Variants in APBA2 observed in about 807,000 individuals in gnomAD.
APBA2 encodes amyloid beta precursor protein binding family A member 2.
In APBA2, 30 loss-of-function variants were observed where a neutral mutation model predicts 75.0. The ratio of observed to expected loss-of-function variants is 0.40; its 90% CI spans 0.30 to 0.54. The LOEUF is 0.54. Among genes scored for constraint, APBA2 ranks in the 20% least tolerant of loss-of-function variants. The pLI is 0.49. For missense variants in APBA2, 801 were observed against 1,016.1 expected, an observed-to-expected ratio of 0.79 and a Z score of 2.88; for synonymous variants, 444 against 409.6, an observed-to-expected ratio of 1.08 and a Z score of -1.01.
chr15:28,904,670 C>T (rs539706084), intron 1 of APBA2, among the ~76,000 whole-genome samples: 80 of 152,300 alleles, frequency 5.3e-4, no homozygotes, highest in African/African-American at 1.8e-3. Flanking sequence ...TGGTGGCTCC[C>T]CTCGTTATCT....
At chr15:29,074,817 A>G (rs2042777583) in intron 4 of APBA2, 104 bp from the exon 5 acceptor site, 2 of 930,384 alleles carry the variant, frequency 2.1e-6, no homozygotes, top group African/African-American at 3.3e-5. Context: ...ACATACAGAC[A>G]TACACATGCA....
chr15:28,890,124 A>T lies in APBA2; in HGVS notation c.-205+3846A>T, dbSNP rs149493322. On this transcript the variant is annotated intron_variant, in intron 1 of 14. Transcript: ENST00000683413. ...TTCCCGCGTCCCAGAGCTGGAACCT[A>T]GCTGTGTTCACATTTGGATCCTCCT... 3.0e-3 allele frequency among the ~76,000 whole-genome samples: 456 copies of T among 152,284 alleles called. 3 individuals are homozygous for T. Among genetic ancestry groups the T allele is most frequent in the Non-Finnish European group, 4.7e-3 (322 of 68,014 alleles).
chr15:29,053,863 G>A lies in APBA2; in HGVS notation c.-22G>A. ...CCCACAGTGGCTGCCTCCGGGTGAT[G>A]ATGGCTGTGTGAACGACTGCCATGG... On this transcript the variant is annotated 5_prime_UTR_variant, in exon 4 of 15. An upstream start codon of the reference 5' UTR is lost. Coordinates refer to ENST00000683413, the MANE Select transcript of APBA2 (RefSeq NM_001353788.2). 1 of 1,602,996 alleles carries A rather than the reference G, an allele frequency of 6.2e-7. No individual in the cohort carries two copies. The highest frequency in any genetic ancestry group is 8.5e-7 in the Non-Finnish European group (1 of 1,171,672).
At chr15:29,022,130 G>C (rs1290311636) in intron 3 of APBA2, among the ~76,000 whole-genome samples, 2 of 152,132 alleles carry the variant, frequency 1.3e-5, no homozygotes, top group African/African-American at 2.4e-5. Flanking sequence ...CTGAAATACC[G>C]ATTTCAGTTC....
chr15:29,059,485 T>C (rs2042041392), intron 4 of APBA2, among the ~76,000 whole-genome samples: 1 of 152,170 alleles, frequency 6.6e-6, no homozygotes, highest in Non-Finnish European at 1.5e-5. Context: ...AAACACATAG[T>C]GGACAGGTAG....
At chr15:29,039,586 C>T (rs2040930432) in intron 3 of APBA2, among the ~76,000 whole-genome samples, 1 of 152,140 alleles carries the variant, frequency 6.6e-6, no homozygotes, top group South Asian at 2.1e-4. Context: ...TTTTTTAAAC[C>T]TCCTCAGGTT....
intron 2 of APBA2, among the ~76,000 whole-genome samples, chr15:28,977,924 A>T (rs2037425181): frequency 6.6e-6 from 1 of 152,168 alleles, no homozygotes; most frequent in Admixed American, 6.5e-5. Flanking sequence ...GGTAGTGAAC[A>T]GCTTGGGCTG....
intron 2 of APBA2, among the ~76,000 whole-genome samples, chr15:28,929,929 G>A (rs1241058988): frequency 6.6e-6 from 1 of 152,200 alleles, no homozygotes; most frequent in Non-Finnish European, 1.5e-5. Flanking sequence ...GTATGAGGAA[G>A]TGTAGATCTG....
At chr15:29,029,156 C>A (rs2040366804) in intron 3 of APBA2, among the ~76,000 whole-genome samples, 1 of 152,108 alleles carries the variant, frequency 6.6e-6, no homozygotes, top group East Asian at 1.9e-4. Context: ...ACATTTAAGT[C>A]TTTAATCCAT....
intron 2 of APBA2, among the ~76,000 whole-genome samples, chr15:28,951,972 T>TC (rs2035910452): frequency 6.9e-6 from 1 of 143,930 alleles, no homozygotes; most frequent in Non-Finnish European, 1.5e-5. Context: ...CACTGTAATC[T>TC]CCACCTCATG....
chr15:28,889,058 G>T (rs2031954316), intron 1 of APBA2, among the ~76,000 whole-genome samples: 1 of 152,058 alleles, frequency 6.6e-6, no homozygotes, highest in Admixed American at 6.6e-5. Context: ...TGGTTGGCCC[G>T]AGTGCCCACA....
At chr15:29,068,816 T>TTTACTACTTTACTTC (rs1161816416) in intron 4 of APBA2, among the ~76,000 whole-genome samples, 2 of 152,210 alleles carry the variant, frequency 1.3e-5, no homozygotes, top group Admixed American at 6.5e-5. Context: ...TTTGAGACCC[T>TTTACTACTTTACTTC]TAGAGGGCTC....
intron 1 of APBA2, among the ~76,000 whole-genome samples, chr15:28,913,804 C>T (rs1186605033): frequency 2.0e-5 from 3 of 152,208 alleles, no homozygotes; most frequent in African/African-American, 7.2e-5. Flanking sequence ...TCATTGTATT[C>T]GGTGACTTTG....
chr15:28,893,273 C>G (rs944168519), intron 1 of APBA2, among the ~76,000 whole-genome samples: 1 of 152,232 alleles, frequency 6.6e-6, no homozygotes, highest in African/African-American at 2.4e-5. Context: ...TGCAACTGTT[C>G]TGCTACAGTA....
chr15:28,895,432 G>A (rs1185087252), intron 1 of APBA2: 3 of 152,384 alleles, frequency 2.0e-5, no homozygotes, highest in Non-Finnish European at 4.4e-5. Flanking sequence ...TCTGCAGCAG[G>A]GGTACTCTGG....
intron 8 of APBA2, 61 bp downstream of exon 8, chr15:29,094,374 T>C: frequency 1.3e-6 from 2 of 1,555,248 alleles, no homozygotes; most frequent in South Asian, 2.2e-5. Context: ...TGGCTTGTCC[T>C]GGGCAGTGGG....
chr15:29,112,644 C>T (rs1335776086), intron 13 of APBA2, among the ~76,000 whole-genome samples: 1 of 152,168 alleles, frequency 6.6e-6, no homozygotes, highest in African/African-American at 2.4e-5. Flanking sequence ...CCTAATTCTC[C>T]TTGGACATCC....
chr15:29,114,121 C>A (rs2044906897), intron 14 of APBA2, 105 bp downstream of exon 14: 1 of 1,527,964 alleles, frequency 6.5e-7, no homozygotes, highest in Non-Finnish European at 9.0e-7. Context: ...ATCTGAAGGT[C>A]AGCCAGGCTG....
At chr15:29,115,505 C>T (rs1385627676) in intron 14 of APBA2, among the ~76,000 whole-genome samples, 1 of 152,124 alleles carries the variant, frequency 6.6e-6, no homozygotes, top group African/African-American at 2.4e-5. Flanking sequence ...GCCGCCCCCA[C>T]GGCCAGCAGC....
Sources: gnomAD v4.1 joint callset for allele counts (sites outside exome capture counted in the v4.1 genomes callset) on GRCh38, gnomAD v4.1.1 for gene constraint, MANE v1.5 for transcripts, NCBI Gene and HGNC (gene_info 2026-07-23, HGNC 2026-07-21) for gene names.